The following TMEM131 variants were observed in gnomAD, a reference collection of about 807,000 sequenced individuals.
The protein encoded by TMEM131 is transmembrane protein 131.
A neutral mutation model predicts 211.6 loss-of-function variants in TMEM131; 66 were observed. That is an observed-to-expected ratio of 0.31 (90% CI 0.26 to 0.38). The LOEUF is 0.38. Among genes scored for constraint, TMEM131 ranks in the 10% least tolerant of loss-of-function variants. TMEM131 has a pLI of 1.00. For synonymous variants in TMEM131, 844 were observed against 841.3 expected (o/e 1.00, Z -0.06); for missense variants, 2,036 against 2,299.3 (o/e 0.89, Z 2.34).
rs532909981 is a variant in TMEM131 at position 97,879,597 on chromosome 2, C to T, written c.359+8455G>A. Among the ~76,000 whole-genome samples the T allele has an allele frequency of 1.2e-4, 18 of 152,254 alleles. No homozygotes were observed. In the East Asian group the frequency reaches 2.3e-3, roughly 20 times the overall value. On this transcript the variant is annotated intron_variant, in intron 4 of 40. Transcript: ENST00000186436. ...TGGGTTTGAACTATGAGGGTCCACACGGATTTTCTTCCGCCTCTGCCACCT... is the reference window on the plus strand; with the variant it reads ...TGGGTTTGAACTATGAGGGTCCACATGGATTTTCTTCCGCCTCTGCCACCT...
At chr2:97,761,160 C>A (rs1678821547) in intron 36 of TMEM131, 3 of 420,432 alleles carry the variant, frequency 7.1e-6, no homozygotes, top group Non-Finnish European at 1.3e-5. Context: ...GCAGGGATCA[C>A]AATTTAGGGA....
intron 32 of TMEM131, among the ~76,000 whole-genome samples, chr2:97,774,661 AG>A (rs745576023): frequency 6.6e-6 from 1 of 152,214 alleles, no homozygotes; most frequent in Non-Finnish European, 1.5e-5. Context: ...GCCGCTGGAG[AG>A]GGGGCCACAG....
intron 31 of TMEM131, among the ~76,000 whole-genome samples, chr2:97,785,858 T>A (rs1388614918): frequency 6.6e-6 from 1 of 152,206 alleles, no homozygotes; most frequent in Non-Finnish European, 1.5e-5. Context: ...CACTGGTGAA[T>A]CTCCAGAGAA....
In TMEM131 at chr2:97,979,042, C is replaced by G. The variant is rs1200811784; in HGVS notation, c.187+16434G>C. Among the ~76,000 whole-genome samples the G allele has an allele frequency of 2.0e-5, 3 of 152,332 alleles. No homozygotes were observed. The Middle Eastern group carries it at 0.01, about 518-fold the overall frequency. On this transcript the variant is annotated intron_variant, in intron 1 of 40. Transcript: ENST00000186436. The stretch of plus-strand genomic sequence containing the variant: ...ACAACATGCAGCTCCTTGTACATCT[C>G]CATCAGTGCTCCTGGGTGACCAGTT...
intron 32 of TMEM131, among the ~76,000 whole-genome samples, chr2:97,775,130 A>G (rs1559351140): frequency 6.6e-6 from 1 of 152,172 alleles, no homozygotes; most frequent in Non-Finnish European, 1.5e-5. Flanking sequence ...CCAGAGTGGA[A>G]TTATTACCCT....
At position 97,851,916 on chromosome 2, in the gene TMEM131, TCA is replaced by T. The variant is rs939092577; in HGVS notation, c.483+7386_483+7387del. On this transcript the variant is annotated intron_variant, in intron 5 of 40. Coordinates refer to ENST00000186436, the MANE Select transcript of TMEM131 (RefSeq NM_015348.2). ...AGTAAAAGGAAGGGTTGCACATCTCTCACTTTAACCCAAAATCTGGAAATAAG... is the reference window on the plus strand; with the variant it reads ...AGTAAAAGGAAGGGTTGCACATCTCTCTTTAACCCAAAATCTGGAAATAAG... Among the ~76,000 whole-genome samples the T allele has an allele frequency of 6.6e-5, 10 of 152,150 alleles. 1 individual carries two copies. The highest frequency in any genetic ancestry group is 5.9e-4 in the Admixed American group (9 of 15,274).
At chr2:97,845,353 T>C (rs1413138960) in intron 5 of TMEM131, among the ~76,000 whole-genome samples, 1 of 152,016 alleles carries the variant, frequency 6.6e-6, no homozygotes, top group African/African-American at 2.4e-5. Context: ...CTGTGTGAAC[T>C]TGCACGGGAG....
At chr2:97,864,709 G>A (rs181725630) in intron 4 of TMEM131, among the ~76,000 whole-genome samples, 250 of 152,296 alleles carry the variant, frequency 1.6e-3, no homozygotes, top group African/African-American at 5.8e-3. Context: ...ACAGTGAGAA[G>A]CCCTTGGGAG....
intron 1 of TMEM131, among the ~76,000 whole-genome samples, chr2:97,935,110 T>A (rs938595006): frequency 1.3e-5 from 2 of 152,102 alleles, no homozygotes; most frequent in Non-Finnish European, 2.9e-5. Context: ...ATTTGCAAAC[T>A]ACATATTTAA....
intron 11 of TMEM131, among the ~76,000 whole-genome samples, chr2:97,826,391 C>A (rs1305781260): frequency 1.3e-5 from 2 of 152,186 alleles, no homozygotes; most frequent in Non-Finnish European, 2.9e-5. Flanking sequence ...TCTAGGGGAA[C>A]CCCCATTAAA....
chr2:97,995,517 AC>A lies in TMEM131; in HGVS notation c.145del (p.Val49Ter). The A allele has an allele frequency of 7.1e-7, 1 of 1,409,522 alleles. No individual in the cohort carries two copies. The highest frequency in any genetic ancestry group is 9.3e-7 in the Non-Finnish European group (1 of 1,076,030). 87.3% of individuals were successfully genotyped at this position (1,409,522 alleles called of 1,614,324 possible). ...AAGLLGALHL[V>X]MTLVVAAARA... ...CGCCGCAGCCACTACGAGGGTCATC[AC>A]CAGGTGCAGCGCGCCTAGGAGGCCG... On this transcript the variant is annotated frameshift_variant, in exon 1 of 41. Transcript: ENST00000186436. LOFTEE classifies it high-confidence loss of function.
At chr2:97,939,362 A>G (rs1324879911) in intron 1 of TMEM131, among the ~76,000 whole-genome samples, 1 of 152,238 alleles carries the variant, frequency 6.6e-6, no homozygotes, top group East Asian at 1.9e-4. Flanking sequence ...CCGATCCCAC[A>G]GAAATAAACT....
chr2:97,978,012 G>A (rs897474727), intron 1 of TMEM131, among the ~76,000 whole-genome samples: 3 of 152,132 alleles, frequency 2.0e-5, no homozygotes, highest in Admixed American at 6.5e-5. Context: ...GCTTGAACCC[G>A]GGAGGTGGAG....
intron 12 of TMEM131, among the ~76,000 whole-genome samples, chr2:97,817,148 G>A (rs1014513566): frequency 6.6e-6 from 1 of 151,722 alleles, no homozygotes; most frequent in African/African-American, 2.4e-5. Flanking sequence ...TAATGACATC[G>A]CATTTATCTC....
chr2:97,914,880 G>A (rs1345349790), intron 2 of TMEM131, among the ~76,000 whole-genome samples: 1 of 152,138 alleles, frequency 6.6e-6, no homozygotes, highest in Non-Finnish European at 1.5e-5. Context: ...TCATTTCTTT[G>A]GGAGAATCCC....
intron 1 of TMEM131, among the ~76,000 whole-genome samples, chr2:97,985,206 C>G (rs989922925): frequency 6.6e-6 from 1 of 151,996 alleles, no homozygotes; most frequent in Non-Finnish European, 1.5e-5. Flanking sequence ...CATAAGGATG[C>G]CTGCTTTTTC....
intron 4 of TMEM131, among the ~76,000 whole-genome samples, chr2:97,884,608 A>G (rs76762830): frequency 0.025 from 3,749 of 152,278 alleles, 164 homozygotes; most frequent in African/African-American, 0.087. Flanking sequence ...CTCTAGTGCT[A>G]GGTGCATATA....
At chr2:97,906,491 C>T (rs776529340) in intron 3 of TMEM131, among the ~76,000 whole-genome samples, 3 of 152,132 alleles carry the variant, frequency 2.0e-5, no homozygotes, top group Non-Finnish European at 4.4e-5. Context: ...AAGTGACTTG[C>T]TGACTAATAG....
intron 1 of TMEM131, among the ~76,000 whole-genome samples, chr2:97,948,735 G>T (rs1229536613): frequency 6.6e-6 from 1 of 151,794 alleles, no homozygotes; most frequent in Admixed American, 6.6e-5. Flanking sequence ...TCGGCTCACT[G>T]CAAGCTCCGC....
Sources: allele counts gnomAD v4.1 joint callset (sites outside exome capture counted in the v4.1 genomes callset), GRCh38; gene constraint gnomAD v4.1.1; transcripts MANE v1.5; gene names NCBI Gene and HGNC (gene_info 2026-07-23, HGNC 2026-07-21).